The following TSHR variants were observed in gnomAD, a reference collection of about 807,000 sequenced individuals.
TSHR encodes thyrotropin receptor.
A neutral mutation model predicts 64.1 loss-of-function variants in TSHR; 51 were observed. The ratio of observed to expected loss-of-function variants is 0.80; its 90% CI spans 0.64 to 1.01. TSHR has a LOEUF of 1.01. Ranked by LOEUF, TSHR falls within the 50% of genes least tolerant of loss-of-function variation. TSHR has a pLI of 0.00. For missense variants in TSHR, 877 were observed against 942.8 expected (o/e 0.93, Z 0.91); for synonymous variants, 361 against 361.9 (o/e 1.00, Z 0.03).
At chr14:81,055,386 C>T (rs908236691) in intron 1 of TSHR, among the ~76,000 whole-genome samples, 2 of 152,212 alleles carry the variant, frequency 1.3e-5, no homozygotes, top group Admixed American at 1.3e-4. Context: ...TGGGCACCCC[C>T]ACACAGAGTC....
intron 2 of TSHR, 102 bp from the exon 3 acceptor site, chr14:81,068,152 G>A: frequency 9.4e-7 from 1 of 1,066,986 alleles, no homozygotes; most frequent in Non-Finnish European, 1.4e-6. Flanking sequence ...CATGTTGCAT[G>A]ATCTGGGAAG....
At chr14:81,121,492 G>C (rs1187563478) in intron 8 of TSHR, among the ~76,000 whole-genome samples, 1 of 152,160 alleles carries the variant, frequency 6.6e-6, no homozygotes. Flanking sequence ...CCAGGAAAAA[G>C]AAAAATGAGG....
At chr14:81,114,165 G>A (rs115982074) in intron 8 of TSHR, among the ~76,000 whole-genome samples, 5 of 151,556 alleles carry the variant, frequency 3.3e-5, no homozygotes, top group South Asian at 2.1e-4. Flanking sequence ...AGTATCACTG[G>A]GGGGGAGGAG....
At chr14:81,129,958 T>A (rs1050731270) in intron 8 of TSHR, among the ~76,000 whole-genome samples, 2 of 152,172 alleles carry the variant, frequency 1.3e-5, no homozygotes, top group African/African-American at 2.4e-5. Context: ...TTCTTCCATC[T>A]TAAAACAATG....
intron 1 of TSHR, among the ~76,000 whole-genome samples, chr14:81,022,210 C>T (rs1462509739): frequency 6.6e-6 from 1 of 151,852 alleles, no homozygotes; most frequent in Non-Finnish European, 1.5e-5. Context: ...GCGGAGCTTG[C>T]AGTGAGCCGA....
intron 1 of TSHR, among the ~76,000 whole-genome samples, chr14:81,027,844 A>G (rs1351412679): frequency 6.6e-6 from 1 of 152,210 alleles, no homozygotes; most frequent in Non-Finnish European, 1.5e-5. Flanking sequence ...CTTTATAAAA[A>G]TAATATAACT....
chr14:80,979,826 G>A (rs1211284230), intron 1 of TSHR, among the ~76,000 whole-genome samples: 1 of 152,068 alleles, frequency 6.6e-6, no homozygotes, highest in Non-Finnish European at 1.5e-5. Flanking sequence ...TTTCATCTGA[G>A]TTCTCACCAC....
At chr14:81,009,202 G>A (rs1354249641) in intron 1 of TSHR, among the ~76,000 whole-genome samples, 1 of 152,112 alleles carries the variant, frequency 6.6e-6, no homozygotes, top group Non-Finnish European at 1.5e-5. Context: ...TGTGGAAAAG[G>A]AAACAAATGA....
intron 7 of TSHR, among the ~76,000 whole-genome samples, chr14:81,102,303 A>G (rs888578694): frequency 6.6e-6 from 1 of 152,164 alleles, no homozygotes; most frequent in Non-Finnish European, 1.5e-5. Flanking sequence ...ATTCTGTGGG[A>G]GGCTTAGCTG....
intron 8 of TSHR, among the ~76,000 whole-genome samples, chr14:81,114,632 T>G (rs988190368): frequency 1.4e-4 from 22 of 152,244 alleles, no homozygotes; most frequent in African/African-American, 4.1e-4. Flanking sequence ...CAGGCGTGCT[T>G]AGGTAAACAA....
chr14:81,020,377 A>G (rs1295607750), intron 1 of TSHR, among the ~76,000 whole-genome samples: 2 of 152,190 alleles, frequency 1.3e-5, no homozygotes, highest in Non-Finnish European at 2.9e-5. Flanking sequence ...GCAAAGCTTC[A>G]TCTGTATTTT....
chr14:81,067,483 T>TTATATATATATA (rs71103896), intron 2 of TSHR, among the ~76,000 whole-genome samples: 3,161 of 134,756 alleles, frequency 0.023, 124 homozygotes, highest in African/African-American at 0.08. Context: ...GTTTATAGTT[T>TTATATATATATA]TATATATATA....
intron 1 of TSHR, among the ~76,000 whole-genome samples, chr14:81,035,458 A>G (rs1032588734): frequency 1.3e-5 from 2 of 152,206 alleles, no homozygotes; most frequent in African/African-American, 4.8e-5. Context: ...ACAACTTTGT[A>G]CAGAGAACGA....
In TSHR at chr14:81,124,106, T is replaced by G. The variant is rs113000995; in HGVS notation, c.693-15573T>G. Among the ~76,000 whole-genome samples the G allele has an allele frequency of 7.8e-4, 119 of 152,210 alleles. 1 individual carries two copies. Among genetic ancestry groups the G allele is most frequent in the African/African-American group, 2.6e-3 (106 of 41,530 alleles). On this transcript the variant is annotated intron_variant, in intron 8 of 9. Coordinates refer to ENST00000298171, the MANE Select transcript of TSHR (RefSeq NM_000369.5). Reference sequence around the variant, plus strand: ...AAATCTCTGTAATAATATCCTTGAGTTTTCATTACAGGTATCAGCATAAAT... The same window carrying G: ...AAATCTCTGTAATAATATCCTTGAGGTTTCATTACAGGTATCAGCATAAAT...
At chr14:80,987,105 C>A (rs1416073164) in intron 1 of TSHR, among the ~76,000 whole-genome samples, 1 of 152,128 alleles carries the variant, frequency 6.6e-6, no homozygotes, top group African/African-American at 2.4e-5. Context: ...CCTCCTGTAT[C>A]CTTAAAAACA....
intron 7 of TSHR, 91 bp downstream of exon 7, chr14:81,096,798 C>A: frequency 2.2e-6 from 3 of 1,377,868 alleles, no homozygotes; most frequent in Non-Finnish European, 3.1e-6. Context: ...TAGGTTCTAC[C>A]AGAGCATCTT....
At chr14:80,961,366 T>C (rs1887019646) in intron 1 of TSHR, among the ~76,000 whole-genome samples, 1 of 152,228 alleles carries the variant, frequency 6.6e-6, no homozygotes, top group Admixed American at 6.5e-5. Flanking sequence ...TGCTTGAGTA[T>C]GCTCTTTGTA....
chr14:80,974,350 C>T (rs1212237484), intron 1 of TSHR, among the ~76,000 whole-genome samples: 2 of 152,150 alleles, frequency 1.3e-5, no homozygotes, highest in African/African-American at 4.8e-5. Context: ...TATATTCATT[C>T]CCAGTAGGGT....
chr14:81,022,979 C>T, intron 1 of TSHR, among the ~76,000 whole-genome samples: 1 of 152,142 alleles, frequency 6.6e-6, no homozygotes, highest in East Asian at 1.9e-4. Flanking sequence ...CTAGAAGGCA[C>T]CAAAGAGCAA....
Sources: allele counts gnomAD v4.1 joint callset (sites outside exome capture counted in the v4.1 genomes callset), GRCh38; gene constraint gnomAD v4.1.1; transcripts MANE v1.5; gene names NCBI Gene and HGNC (gene_info 2026-07-23, HGNC 2026-07-21).